Variants in CLNS1A observed in about 807,000 individuals in gnomAD.
CLNS1A encodes the protein methylosome subunit pICln.
CLNS1A carries 16 observed loss-of-function variants against 29.4 expected under a neutral mutation model. That is an observed-to-expected ratio of 0.54 (90% CI 0.37 to 0.83). The LOEUF is 0.83. Ranked by LOEUF, CLNS1A falls within the 40% of genes least tolerant of loss-of-function variation. CLNS1A has a pLI of 0.00. For missense variants in CLNS1A, 235 were observed against 287.4 expected, an observed-to-expected ratio of 0.82 and a Z score of 1.32; for synonymous variants, 96 against 104.8, an observed-to-expected ratio of 0.92 and a Z score of 0.51.
chr11:77,625,918 TG>T, intron 2 of CLNS1A, 100 bp from the exon 3 acceptor site: 1 of 1,018,070 alleles, frequency 9.8e-7, no homozygotes, highest in Non-Finnish European at 1.4e-6. Context: ...TTTCCAATTA[TG>T]GTTGACAAAT....
At position 77,615,095 on chromosome 11, in the gene CLNS1A, C is replaced by T. The variant is rs1255660341; in HGVS notation, c.*1623G>A. 6.6e-6 allele frequency: 1 copy of T among 152,186 alleles called. No individual in the cohort carries two copies. The highest frequency in any genetic ancestry group is 1.9e-4 in the East Asian group (1 of 5,196). 9.4% of individuals were successfully genotyped at this position (152,186 alleles called of 1,614,324 possible). A position where few individuals can be genotyped will look rare whatever the true frequency, so the allele number is the denominator to read the frequency against. On this transcript the variant is annotated 3_prime_UTR_variant, in exon 7 of 7. Coordinates refer to ENST00000525428, the MANE Select transcript of CLNS1A (RefSeq NM_001293.3). ...AGAAACCAAGTACACTCTGAATCTT[C>T]TCGACATTTTGCTATCAGAGCAATT...
At chr11:77,623,590 TAA>T (rs57519585) in intron 4 of CLNS1A, among the ~76,000 whole-genome samples, 7 of 134,724 alleles carry the variant, frequency 5.2e-5, no homozygotes, top group Non-Finnish European at 4.8e-5. Context: ...AGACCCTGTT[TAA>T]AAAAAAAAAA....
At chr11:77,627,975 G>A (rs955765876) in intron 2 of CLNS1A, among the ~76,000 whole-genome samples, 2 of 151,978 alleles carry the variant, frequency 1.3e-5, no homozygotes, top group African/African-American at 4.8e-5. Flanking sequence ...ACAGGCACCC[G>A]CCACCACGCC....
Position 77,629,837 on chromosome 11 carries a change from A to G in CLNS1A, c.188T>C (p.Leu63Ser), listed in dbSNP as rs973889486. The G allele has an allele frequency of 6.2e-6, 10 of 1,613,864 alleles. No homozygotes were observed. Among genetic ancestry groups the G allele is most frequent in the Non-Finnish European group, 8.5e-6 (10 of 1,179,794 alleles). ...GFSLEYPTIS[L>S]HALSRDRSDC... ...ACTTCGGTCCCTGGATAATGCATGT[A>G]AACTAATGGTGGGGTATTCCAGTGA... Residue 63 changes from leucine (L) to serine (S), a missense_variant, in exon 2 of 7, where the codon TTA becomes TCA. Leu to Ser is a moderately radical substitution (Grantham distance 145, BLOSUM62 -2). Transcript: ENST00000525428.
chr11:77,625,851 T>C, intron 2 of CLNS1A, 33 bp from the exon 3 acceptor site: 1 of 1,460,412 alleles, frequency 6.8e-7, no homozygotes, highest in Non-Finnish European at 9.4e-7. Context: ...AATGTCATTA[T>C]TTGACTTTAA....
chr11:77,626,312 G>T (rs866352524), intron 2 of CLNS1A, among the ~76,000 whole-genome samples: 1 of 151,940 alleles, frequency 6.6e-6, no homozygotes, highest in Non-Finnish European at 1.5e-5. Context: ...GAAACTCCTG[G>T]GCTCAAGTGA....
chr11:77,623,111 A>G (rs1490950643), intron 4 of CLNS1A, among the ~76,000 whole-genome samples: 2 of 152,144 alleles, frequency 1.3e-5, no homozygotes, highest in African/African-American at 2.4e-5. Flanking sequence ...AAAAGAGATA[A>G]CAAGCCAGTA....
rs1457892828 is a variant in CLNS1A at position 77,637,750 on chromosome 11, T to C, written c.-36A>G. 8 of 1,542,612 alleles carry C rather than the reference T, an allele frequency of 5.2e-6. No individual in the cohort carries two copies. Among genetic ancestry groups the C allele is most frequent in the Non-Finnish European group, 7.0e-6 (8 of 1,142,410 alleles). On this transcript the variant is annotated 5_prime_UTR_variant, in exon 1 of 7. Coordinates refer to ENST00000525428, the MANE Select transcript of CLNS1A (RefSeq NM_001293.3). ...TGCGGCAACACAGGCCCTGAGGGAG[T>C]TGGAGCACAGCAATGCGTGCACCAC...
chr11:77,626,511 C>T (rs928576119), intron 2 of CLNS1A, among the ~76,000 whole-genome samples: 2 of 151,468 alleles, frequency 1.3e-5, no homozygotes, highest in Non-Finnish European at 2.9e-5. Context: ...TGGTGGCAGG[C>T]GCCTATAATC....
At chr11:77,629,986 C>G in intron 1 of CLNS1A, 87 bp from the exon 2 acceptor site, 1 of 1,087,256 alleles carries the variant, frequency 9.2e-7, no homozygotes, top group Non-Finnish European at 1.3e-6. Context: ...GCTTGGACAC[C>G]TTTATGCATA....
chr11:77,616,660 AG>A lies in CLNS1A; in HGVS notation c.*57del. 6.5e-6 allele frequency: 1 copy of A among 152,760 alleles called. No individual in the cohort carries two copies. Among genetic ancestry groups the A allele is most frequent in the Middle Eastern group, 3.4e-3 (1 of 294 alleles). The allele number at this position is 152,760 out of a possible 1,614,324, so 9.5% of individuals were successfully genotyped here. A position where few individuals can be genotyped will look rare whatever the true frequency, so the allele number is the denominator to read the frequency against. ...CATTAACTTCACTCCAGAGTGGAAG[AG>A]GCACCAAGTTCTCTCCTACACTTAG... On this transcript the variant is annotated 3_prime_UTR_variant, in exon 7 of 7. Coordinates refer to ENST00000525428, the MANE Select transcript of CLNS1A (RefSeq NM_001293.3).
intron 2 of CLNS1A, among the ~76,000 whole-genome samples, chr11:77,628,113 T>C (rs1029380298): frequency 2.0e-5 from 3 of 152,198 alleles, no homozygotes; most frequent in African/African-American, 4.8e-5. Flanking sequence ...TTTGAGCCAC[T>C]GTGCCCGGCC....
chr11:77,634,345 A>G (rs1959102380), intron 1 of CLNS1A, among the ~76,000 whole-genome samples: 1 of 152,196 alleles, frequency 6.6e-6, no homozygotes, highest in African/African-American at 2.4e-5. Flanking sequence ...TCACTCCCTC[A>G]GATGAAGAAC....
chr11:77,627,237 T>C (rs1959029257), intron 2 of CLNS1A, among the ~76,000 whole-genome samples: 1 of 149,384 alleles, frequency 6.7e-6, no homozygotes, highest in Non-Finnish European at 1.5e-5. Context: ...ATGGAGAGCA[T>C]CCTGGCCAAC....
At chr11:77,636,127 G>C (rs1395146442) in intron 1 of CLNS1A, among the ~76,000 whole-genome samples, 1 of 151,874 alleles carries the variant, frequency 6.6e-6, no homozygotes, top group African/African-American at 2.4e-5. Context: ...CTGGAGTGCA[G>C]GGGCACAATC....
At chr11:77,628,809 C>T (rs970438973) in intron 2 of CLNS1A, among the ~76,000 whole-genome samples, 1 of 152,158 alleles carries the variant, frequency 6.6e-6, no homozygotes, top group African/African-American at 2.4e-5. Flanking sequence ...TTGCAATTAT[C>T]CCAAAGCAAA....
At chr11:77,637,066 T>G (rs1402825126) in intron 1 of CLNS1A, among the ~76,000 whole-genome samples, 1 of 151,478 alleles carries the variant, frequency 6.6e-6, no homozygotes, top group Admixed American at 6.6e-5. Flanking sequence ...AAGAAAATCT[T>G]TATTGTGTAA....
intron 4 of CLNS1A, among the ~76,000 whole-genome samples, chr11:77,624,246 CAG>C (rs1245711457): frequency 6.6e-6 from 1 of 152,122 alleles, no homozygotes; most frequent in African/African-American, 2.4e-5. Context: ...GCCTGGGCAT[CAG>C]AGTGAGACCC....
At chr11:77,630,236 A>G (rs1026809776) in intron 1 of CLNS1A, among the ~76,000 whole-genome samples, 2 of 152,096 alleles carry the variant, frequency 1.3e-5, no homozygotes, top group Non-Finnish European at 2.9e-5. Context: ...CCCCTCTTCC[A>G]TGAGGCCTCC....
Sources: allele counts gnomAD v4.1 joint callset (sites outside exome capture counted in the v4.1 genomes callset), GRCh38; gene constraint gnomAD v4.1.1; transcripts MANE v1.5; gene names NCBI Gene and HGNC (gene_info 2026-07-23, HGNC 2026-07-21).